The following BCKDHA variants were observed in gnomAD, a reference collection of about 807,000 sequenced individuals.
BCKDHA encodes the protein branched chain keto acid dehydrogenase E1 subunit alpha, also known as 2-oxoisovalerate dehydrogenase subunit alpha, mitochondrial.
Under a neutral mutation model 52.2 loss-of-function variants are expected in BCKDHA, and 43 were observed. That is an observed-to-expected ratio of 0.82 (90% CI 0.64 to 1.06). BCKDHA has a LOEUF of 1.06. BCKDHA is among the 50% of genes least tolerant of loss of function. The pLI is 0.00. For synonymous variants in BCKDHA, 234 were observed against 247.9 expected, an observed-to-expected ratio of 0.94 and a Z score of 0.53; for missense variants, 527 against 621.3, an observed-to-expected ratio of 0.85 and a Z score of 1.61.
chr19:41,418,729 G>A (rs1341451640), intron 4 of BCKDHA: 5 of 440,242 alleles, frequency 1.1e-5, no homozygotes, highest in Non-Finnish European at 1.8e-5. Context: ...TTGTAGAAGC[G>A]AGGCCTCACC....
chr19:41,424,412 C>A (rs745670614), intron 8 of BCKDHA, 26 bp from the exon 9 acceptor site: 3 of 1,613,418 alleles, frequency 1.9e-6, no homozygotes, highest in Middle Eastern at 1.6e-4. Flanking sequence ...GCCGGCTAGC[C>A]TGCCCACTGC....
chr19:41,401,179 C>T (rs538416304), intron 1 of BCKDHA, among the ~76,000 whole-genome samples: 6 of 151,768 alleles, frequency 4.0e-5, no homozygotes, highest in Non-Finnish European at 7.4e-5. Context: ...TGGGTTCAAG[C>T]GATTCTCCTG....
intron 6 of BCKDHA, 60 bp from the exon 7 acceptor site, chr19:41,422,569 G>T: frequency 5.0e-6 from 8 of 1,609,874 alleles, no homozygotes; most frequent in Non-Finnish European, 6.8e-6. Flanking sequence ...CGTCCCCTTG[G>T]CCTCGTGCAT....
Position 41,424,797 on chromosome 19 carries a change from A to G in BCKDHA, c.*189A>G. Reference sequence around the variant, plus strand: ...GGCTGTTACATTGTCAGGGGACAGCATCTGCAGCAGTTGCTGAGGCTCCGT... The same window carrying G: ...GGCTGTTACATTGTCAGGGGACAGCGTCTGCAGCAGTTGCTGAGGCTCCGT... On this transcript the variant is annotated 3_prime_UTR_variant, in exon 9 of 9. Coordinates refer to ENST00000269980, the MANE Select transcript of BCKDHA (RefSeq NM_000709.4). The G allele has an allele frequency of 3.2e-6, 2 of 623,396 alleles. No individual in the cohort carries two copies. The highest frequency in any genetic ancestry group is 5.3e-6 in the Non-Finnish European group (2 of 374,454). 38.6% of individuals were successfully genotyped at this position (623,396 alleles called of 1,614,324 possible). A position where few individuals can be genotyped will look rare whatever the true frequency, so the allele number is the denominator to read the frequency against.
rs1462024571 is a variant in BCKDHA at position 41,424,611 on chromosome 19, C to T, written c.*3C>T. 6.3e-7 allele frequency: 1 copy of T among 1,582,804 alleles called. No homozygotes were observed. The highest frequency in any genetic ancestry group is 1.7e-5 in the Admixed American group (1 of 58,516). ...CACTGGATCACTTCGATAAGTGAGA[C>T]CTGCTCAGCCCACCCCCACCCATCC... On this transcript the variant is annotated 3_prime_UTR_variant, in exon 9 of 9. Coordinates refer to ENST00000269980, the MANE Select transcript of BCKDHA (RefSeq NM_000709.4).
chr19:41,403,692 G>C (rs1285748624), intron 1 of BCKDHA, among the ~76,000 whole-genome samples: 1 of 152,120 alleles, frequency 6.6e-6, no homozygotes, highest in Non-Finnish European at 1.5e-5. Context: ...ATCCTAGCTG[G>C]TGAGGCATTC....
At chr19:41,407,112 C>T (rs1025216180) in intron 1 of BCKDHA, among the ~76,000 whole-genome samples, 5 of 152,202 alleles carry the variant, frequency 3.3e-5, no homozygotes, top group Non-Finnish European at 1.5e-5. Flanking sequence ...GTAGTCACTT[C>T]CCTTTCTCCC....
chr19:41,404,250 G>A (rs1178772057), intron 1 of BCKDHA, among the ~76,000 whole-genome samples: 3 of 151,794 alleles, frequency 2.0e-5, no homozygotes, highest in East Asian at 3.9e-4. Context: ...AAAGTATTGA[G>A]ATTATAAGCA....
At position 41,423,119 on chromosome 19, in the gene BCKDHA, T is replaced by C; in HGVS notation, c.1117T>C (p.Trp373Arg). 6.4e-7 allele frequency: 1 copy of C among 1,562,876 alleles called. No individual in the cohort carries two copies. Among genetic ancestry groups the C allele is most frequent in the Admixed American group, 1.9e-5 (1 of 51,918 alleles). Residue 373 changes from tryptophan to arginine, a missense_variant, in exon 8 of 9, where the codon TGG (tryptophan) becomes CGG (arginine). By Grantham distance (101) the Trp-to-Arg change is moderately radical. Transcript: ENST00000269980. ...RLRHYLLSQG[W>R]WDEEQEKAWR... The stretch of plus-strand genomic sequence containing the variant: ...GCGGCACTATCTGCTGAGCCAAGGC[T>C]GGTGGGATGAGGAGCAGGAGAAGGC...
chr19:41,422,446 A>T, intron 6 of BCKDHA, 76 bp downstream of exon 6: 1 of 1,586,628 alleles, frequency 6.3e-7, no homozygotes, highest in Non-Finnish European at 8.6e-7. Context: ...CCTTCCTGCC[A>T]CCCCTACCCT....
chr19:41,417,089 G>A (rs1360122282), intron 4 of BCKDHA, among the ~76,000 whole-genome samples: 4 of 152,102 alleles, frequency 2.6e-5, no homozygotes, highest in Non-Finnish European at 5.9e-5. Context: ...TCGGCTCACT[G>A]CAACCTCTGC....
intron 1 of BCKDHA, among the ~76,000 whole-genome samples, chr19:41,405,357 T>A (rs951743221): frequency 6.6e-6 from 1 of 151,994 alleles, no homozygotes; most frequent in African/African-American, 2.4e-5. Flanking sequence ...AGTGGTGTGA[T>A]CTTGGCTCAC....
Position 41,397,847 on chromosome 19 carries a change from CAGCGAGG to C in BCKDHA, c.21_27del (p.Ala8SerfsTer4). On this transcript the variant is annotated frameshift_variant, in exon 1 of 9. Coordinates refer to ENST00000269980, the MANE Select transcript of BCKDHA (RefSeq NM_000709.4). LOFTEE classifies it high-confidence loss of function. The stretch of plus-strand genomic sequence containing the variant: ...GCCAAGATGGCGGTAGCGATCGCTG[CAGCGAGG>C]GTCTGGCGGCTAAACCGTGGTTTGA... The C allele has an allele frequency of 6.2e-7, 1 of 1,614,188 alleles. No individual in the cohort carries two copies.
At chr19:41,410,576 A>G in intron 1 of BCKDHA, 61 bp from the exon 2 acceptor site, 2 of 1,597,642 alleles carry the variant, frequency 1.3e-6, no homozygotes, top group Non-Finnish European at 1.7e-6. Context: ...GCCGGGGCTG[A>G]GCCAGCGGAA....
intron 3 of BCKDHA, among the ~76,000 whole-genome samples, chr19:41,412,987 A>G (rs2039273025): frequency 1.3e-5 from 2 of 152,242 alleles, no homozygotes; most frequent in Admixed American, 1.3e-4. Context: ...TACAGGTGTG[A>G]GCCACCGTGC....
intron 4 of BCKDHA, among the ~76,000 whole-genome samples, chr19:41,417,839 C>T (rs1164294463): frequency 4.6e-5 from 7 of 151,812 alleles, no homozygotes; most frequent in East Asian, 1.9e-4. Flanking sequence ...GCAGGAGAAT[C>T]GCTTGAACCC....
At position 41,397,901 on chromosome 19, in the gene BCKDHA, T is replaced by C; in HGVS notation, c.74T>C (p.Leu25Pro). 1 of 1,614,064 alleles carries C rather than the reference T, an allele frequency of 6.2e-7. No individual in the cohort carries two copies. Among genetic ancestry groups the C allele is most frequent in the Non-Finnish European group, 8.5e-7 (1 of 1,180,022 alleles). The change falls in exon 1 of 9, where the codon CTG (leucine) becomes CCG (proline). Residue 25 changes from leucine to proline, a missense_variant. Leu to Pro is a moderately conservative substitution (Grantham distance 98). Transcript: ENST00000269980. ...RGLSQAALLL[L>P]RQPGARGLAR... ...TTGAGCCAGGCTGCCCTCCTGCTGC[T>C]GCGGCAGCCTGGGGCTCGGGGACTG...
intron 5 of BCKDHA, among the ~76,000 whole-genome samples, chr19:41,421,482 G>A (rs1166158166): frequency 3.3e-5 from 5 of 152,056 alleles, no homozygotes; most frequent in African/African-American, 9.7e-5. Flanking sequence ...GGTGTCTTGA[G>A]GCAGGTGTGA....
chr19:41,403,358 C>T (rs928527034), intron 1 of BCKDHA, among the ~76,000 whole-genome samples: 4 of 152,190 alleles, frequency 2.6e-5, no homozygotes, highest in Non-Finnish European at 4.4e-5. Flanking sequence ...GCCCTTGAGG[C>T]GGCGCCTCAG....
Sources: allele counts gnomAD v4.1 joint callset (sites outside exome capture counted in the v4.1 genomes callset), GRCh38; gene constraint gnomAD v4.1.1; transcripts MANE v1.5; gene names NCBI Gene and HGNC (gene_info 2026-07-23, HGNC 2026-07-21).